DPH7: variants seen among roughly 807,000 people sequenced by gnomAD.
DPH7 encodes the protein diphthine methyltransferase.
Under a neutral mutation model 41.7 loss-of-function variants are expected in DPH7, and 44 were observed. That is an observed-to-expected ratio of 1.05 (90% CI 0.83 to 1.36). DPH7 has a LOEUF of 1.36. DPH7 is among the 40% of genes most tolerant of loss of function. The pLI is 0.00. For missense variants in DPH7, 629 were observed against 577.5 expected (o/e 1.09, Z -0.91); for synonymous variants, 275 against 238.0 (o/e 1.16, Z -1.43).
intron 8 of DPH7, among the ~76,000 whole-genome samples, chr9:137,563,052 G>A (rs974312529): frequency 2.0e-5 from 3 of 152,198 alleles, no homozygotes; most frequent in East Asian, 1.9e-4. Flanking sequence ...GCTGAGATGG[G>A]AGGATGGTTT....
At chr9:137,555,746 C>A in intron 8 of DPH7, 98 bp from the exon 9 acceptor site, 1 of 1,351,700 alleles carries the variant, frequency 7.4e-7, no homozygotes, top group Non-Finnish European at 9.9e-7. Flanking sequence ...AACAGCCCCT[C>A]ACAGGTCAGC....
chr9:137,569,099 G>A (rs1839931983), intron 5 of DPH7, among the ~76,000 whole-genome samples: 1 of 151,986 alleles, frequency 6.6e-6, no homozygotes, highest in Admixed American at 6.5e-5. Flanking sequence ...GCAGACATGG[G>A]GTGAATGGTG....
chr9:137,564,512 G>T lies in DPH7; in HGVS notation c.871C>A (p.His291Asn). ...AGGAGCAGGTGGTGGTGGAAAGGGT[G>T]CCACTTGATTCTCCATACCCCACCC... ...VQGGVWRIKW[H>N]PFHHHLLLAA... The change falls in exon 8 of 9, where the codon CAC becomes AAC. Residue 291 changes from histidine (H) to asparagine (N), a missense_variant. Physicochemically the swap from His to Asn is moderately conservative, Grantham distance 68. Transcript: ENST00000277540. 6.2e-7 allele frequency: 1 copy of T among 1,614,144 alleles called. No individual in the cohort carries two copies. The highest frequency in any genetic ancestry group is 2.2e-5 in the East Asian group (1 of 44,888).
chr9:137,576,882 T>TC (rs1264566711), intron 2 of DPH7, among the ~76,000 whole-genome samples: 1 of 148,280 alleles, frequency 6.7e-6, no homozygotes, highest in South Asian at 2.1e-4. Context: ...AGAGCGAGAC[T>TC]CCGTCTCAAA....
intron 5 of DPH7, among the ~76,000 whole-genome samples, chr9:137,571,877 A>G (rs75124165): frequency 0.013 from 1,928 of 152,304 alleles, 38 homozygotes; most frequent in African/African-American, 0.044. Context: ...CTAATCACCT[A>G]GAATAGGGCT....
chr9:137,563,208 G>A (rs1247813261), intron 8 of DPH7, among the ~76,000 whole-genome samples: 3 of 151,712 alleles, frequency 2.0e-5, no homozygotes, highest in Non-Finnish European at 4.4e-5. Context: ...AAACAATACA[G>A]AAGAGATGGA....
At chr9:137,564,645 C>A in intron 7 of DPH7, 39 bp from the exon 8 acceptor site, 1 of 1,590,820 alleles carries the variant, frequency 6.3e-7, no homozygotes, top group Non-Finnish European at 8.6e-7. Context: ...TAAGGAAAGC[C>A]CAGGCTCACC....
intron 5 of DPH7, among the ~76,000 whole-genome samples, chr9:137,569,095 A>G (rs1403621570): frequency 6.6e-6 from 1 of 152,042 alleles, no homozygotes; most frequent in Non-Finnish European, 1.5e-5. Context: ...CAATGCAGAC[A>G]TGGGGTGAAT....
chr9:137,564,161 C>T (rs1245252800), intron 8 of DPH7, among the ~76,000 whole-genome samples: 1 of 152,080 alleles, frequency 6.6e-6, no homozygotes, highest in African/African-American at 2.4e-5. Flanking sequence ...CTAGAGGTCC[C>T]AGTGGGGTCA....
In DPH7 at chr9:137,556,287, C is replaced by A. The variant is rs200066741; in HGVS notation, c.950-639G>T. ...CACAGCAACAGAGGGAATGACGAGG[C>A]GTGGCCAAACCCGAGGCGATCTGGA... On this transcript the variant is annotated intron_variant, in intron 8 of 8. Transcript: ENST00000277540. The surrounding 1 kb of genome is among the most constrained non-coding windows in gnomAD (Gnocchi z 5.2). Among the ~76,000 whole-genome samples, 4 of 152,306 alleles carry A rather than the reference C, an allele frequency of 2.6e-5. No homozygotes were observed. In the East Asian group the frequency reaches 7.7e-4, roughly 29 times the overall value.
Position 137,556,810 on chromosome 9 carries a change from C to G in DPH7, c.950-1162G>C, listed in dbSNP as rs1158492654. On this transcript the variant is annotated intron_variant, in intron 8 of 8. Coordinates refer to ENST00000277540, the MANE Select transcript of DPH7 (RefSeq NM_138778.5). The surrounding 1 kb of genome is among the most constrained non-coding windows in gnomAD (Gnocchi z 5.2). Reference sequence around the variant, plus strand: ...TCCACTCGGGCCAGCAGGACCTCTTCTACAGCTTAGGAAAAGGTAATAAGG... The same window carrying G: ...TCCACTCGGGCCAGCAGGACCTCTTGTACAGCTTAGGAAAAGGTAATAAGG... 2.2e-6 allele frequency: 1 copy of G among 456,510 alleles called. No individual in the cohort carries two copies. Among genetic ancestry groups the G allele is most frequent in the African/African-American group, 2.0e-5 (1 of 50,074 alleles). 28.3% of individuals were successfully genotyped at this position (456,510 alleles called of 1,614,324 possible).
At chr9:137,557,848 A>G (rs1163068845) in intron 8 of DPH7, among the ~76,000 whole-genome samples, 1 of 151,694 alleles carries the variant, frequency 6.6e-6, no homozygotes, top group Non-Finnish European at 1.5e-5. Context: ...GTTATGAAAA[A>G]GGCCAGCCGA....
chr9:137,555,707 C>A lies in DPH7; in HGVS notation c.950-59G>T. The A allele has an allele frequency of 2.0e-6, 3 of 1,508,586 alleles. No homozygotes were observed. In the South Asian group the frequency reaches 3.9e-5, roughly 20 times the overall value. The allele number at this position is 1,508,586 out of a possible 1,614,324, so 93.5% of individuals were successfully genotyped here. On this transcript the variant is annotated intron_variant, in intron 8 of 8. Transcript: ENST00000277540. ...AACATCACCCAGAGCCTCTCCCCAA[C>A]CTGTCACACCTGACAGGGAGACTCC...
chr9:137,556,741 G>A lies in DPH7; in HGVS notation c.950-1093C>T. ...CCTTGGGAGGTAGCGTCACAGGGCAGGCAGGACCTCCGCTAGTCTTTCATC... is the reference window on the plus strand; with the variant it reads ...CCTTGGGAGGTAGCGTCACAGGGCAAGCAGGACCTCCGCTAGTCTTTCATC... On this transcript the variant is annotated intron_variant, in intron 8 of 8. Coordinates refer to ENST00000277540, the MANE Select transcript of DPH7 (RefSeq NM_138778.5). This position sits in a 1 kb window ranked among gnomAD's most constrained non-coding sequence, Gnocchi z 5.2. The A allele has an allele frequency of 2.2e-6, 1 of 450,364 alleles. No homozygotes were observed. Among genetic ancestry groups the A allele is most frequent in the Non-Finnish European group, 4.5e-6 (1 of 224,046 alleles). The allele number at this position is 450,364 out of a possible 1,614,324, so 27.9% of individuals were successfully genotyped here. A position where few individuals can be genotyped will look rare whatever the true frequency, so the allele number is the denominator to read the frequency against.
chr9:137,578,125 C>G, intron 1 of DPH7: 4 of 257,068 alleles, frequency 1.6e-5, no homozygotes, highest in Non-Finnish European at 2.4e-5. Context: ...CGAGGCTGCA[C>G]TCCAGCCTGG....
chr9:137,556,701 G>A lies in DPH7; in HGVS notation c.950-1053C>T. ...CGACCCTCGGGAGGAAGCCCCTGGG[G>A]AGGCCGTTACTGTCCCTTGGGAGGT... On this transcript the variant is annotated intron_variant, in intron 8 of 8. Coordinates refer to ENST00000277540, the MANE Select transcript of DPH7 (RefSeq NM_138778.5). The surrounding 1 kb of genome is among the most constrained non-coding windows in gnomAD (Gnocchi z 5.2). The A allele has an allele frequency of 1.3e-5, 5 of 397,504 alleles. No homozygotes were observed. Among genetic ancestry groups the A allele is most frequent in the South Asian group, 7.2e-5 (4 of 55,944 alleles). The allele number at this position is 397,504 out of a possible 1,614,324, so 24.6% of individuals were successfully genotyped here. A position where few individuals can be genotyped will look rare whatever the true frequency, so the allele number is the denominator to read the frequency against.
rs1169177732 is a variant in DPH7 at position 137,564,894 on chromosome 9, T to G, written c.775A>C (p.Ser259Arg). ...PHREHILATGSYDEHILLWDT... is the reference protein window; with the variant it reads ...PHREHILATGRYDEHILLWDT... ...CCCGAGAGCCTCCTGGGGACTCACC[T>G]TCCCGTGGCCAGGATGTGCTCCCGA... The change falls in exon 7 of 9, where the codon AGC becomes CGC. Residue 259 changes from serine (S) to arginine (R), a missense_variant and splice_region_variant. By Grantham distance (110) the Ser-to-Arg change is moderately radical. Transcript: ENST00000277540. The G allele has an allele frequency of 1.3e-6, 2 of 1,592,868 alleles. No individual in the cohort carries two copies. Among genetic ancestry groups the G allele is most frequent in the South Asian group, 2.3e-5 (2 of 88,540 alleles).
intron 3 of DPH7, chr9:137,575,392 C>A (rs934897762): frequency 1.0e-6 from 1 of 988,530 alleles, no homozygotes; most frequent in East Asian, 1.1e-4. Flanking sequence ...GGCTGCTGTA[C>A]CAAAGCCCTT....
chr9:137,556,711 C>G lies in DPH7; in HGVS notation c.950-1063G>C. The G allele has an allele frequency of 2.4e-6, 1 of 417,964 alleles. No individual in the cohort carries two copies. The highest frequency in any genetic ancestry group is 1.7e-5 in the South Asian group (1 of 59,416). The allele number at this position is 417,964 out of a possible 1,614,324, so 25.9% of individuals were successfully genotyped here. ...GAGGAAGCCCCTGGGGAGGCCGTTA[C>G]TGTCCCTTGGGAGGTAGCGTCACAG... is the stretch of plus-strand genomic sequence containing the variant. On this transcript the variant is annotated intron_variant, in intron 8 of 8. Transcript: ENST00000277540. The surrounding 1 kb of genome is among the most constrained non-coding windows in gnomAD (Gnocchi z 5.2).
Sources: gnomAD v4.1 joint callset for allele counts (sites outside exome capture counted in the v4.1 genomes callset) on GRCh38, gnomAD v4.1.1 for gene constraint, Gnocchi (gnomAD v3.1) non-coding constraint, MANE v1.5 for transcripts, NCBI Gene and HGNC (gene_info 2026-07-23, HGNC 2026-07-21) for gene names.